Variants in DLG2 observed in about 807,000 individuals in gnomAD.
DLG2 encodes disks large homolog 2.
Under a neutral mutation model 132.5 loss-of-function variants are expected in DLG2, and 45 were observed. That is an observed-to-expected ratio of 0.34 (90% CI 0.27 to 0.44). DLG2 has a LOEUF of 0.44. DLG2 is among the 20% of genes least tolerant of loss of function. The probability of loss-of-function intolerance (pLI) is 1.00; values close to 1 mark genes in which losing one functional copy is unlikely to be tolerated. For synonymous variants in DLG2, 424 were observed against 419.6 expected (o/e 1.01, Z -0.13); for missense variants, 1,045 against 1,196.9 (o/e 0.87, Z 1.87).
chr11:83,642,724 A>T (rs1222212058), intron 18 of DLG2, among the ~76,000 whole-genome samples: 1 of 152,226 alleles, frequency 6.6e-6, no homozygotes, highest in Non-Finnish European at 1.5e-5. Flanking sequence ...TTTGGCTGAC[A>T]GGAGTAACTG....
At chr11:85,428,327 C>A (rs139276738) in intron 3 of DLG2, among the ~76,000 whole-genome samples, 269 of 152,294 alleles carry the variant, frequency 1.8e-3, no homozygotes, top group African/African-American at 6.2e-3. Context: ...AATATACATT[C>A]TTCTCAGCAC....
In DLG2 at chr11:85,146,018, C is replaced by T. The variant is rs114919167; in HGVS notation, c.282+8538G>A. Among the ~76,000 whole-genome samples, 352 of 152,134 alleles carry T rather than the reference C, an allele frequency of 2.3e-3. 1 individual carries two copies. Among genetic ancestry groups the T allele is most frequent in the African/African-American group, 8.2e-3 (341 of 41,502 alleles). On this transcript the variant is annotated intron_variant, in intron 5 of 27. Transcript: ENST00000376104. ...TTCAAATGGAATTGGGTGTGGTGAT[C>T]GAAGTCTCTGGTCACTGAAGCCATA...
At chr11:84,078,248 A>G (rs549632876) in intron 10 of DLG2, among the ~76,000 whole-genome samples, 3 of 152,314 alleles carry the variant, frequency 2.0e-5, no homozygotes, top group Non-Finnish European at 2.9e-5. Context: ...TCTTGTTCAT[A>G]TAAACAGGTA....
intron 3 of DLG2, among the ~76,000 whole-genome samples, chr11:85,443,920 A>C (rs1467233400): frequency 6.6e-6 from 1 of 152,236 alleles, no homozygotes; most frequent in African/African-American, 2.4e-5. Context: ...TGTTTGTGAA[A>C]TACAACACAA....
At chr11:83,929,665 C>A (rs1240393012) in intron 15 of DLG2, among the ~76,000 whole-genome samples, 2 of 152,132 alleles carry the variant, frequency 1.3e-5, no homozygotes, top group African/African-American at 2.4e-5. Context: ...ATACTGAGGG[C>A]AATACCTTTA....
intron 17 of DLG2, among the ~76,000 whole-genome samples, chr11:83,806,339 C>A (rs535766163): frequency 2.0e-5 from 3 of 152,272 alleles, no homozygotes; most frequent in East Asian, 1.9e-4. Flanking sequence ...TCTATCTTAA[C>A]CTTCAGGTAA....
At chr11:85,021,010 C>T (rs911478227) in intron 6 of DLG2, 2 of 774,508 alleles carry the variant, frequency 2.6e-6, no homozygotes, top group East Asian at 2.4e-5. Context: ...TTATTCATAT[C>T]TACTGCTTGT....
At chr11:83,880,555 C>G (rs1049701674) in intron 15 of DLG2, among the ~76,000 whole-genome samples, 13 of 152,098 alleles carry the variant, frequency 8.5e-5, no homozygotes, top group Non-Finnish European at 1.5e-4. Context: ...AAGAGTTGTG[C>G]TCTCTTCTGT....
intron 17 of DLG2, among the ~76,000 whole-genome samples, chr11:83,815,927 A>G (rs2048765317): frequency 6.6e-6 from 1 of 152,088 alleles, no homozygotes; most frequent in African/African-American, 2.4e-5. Context: ...AGATCTCTGG[A>G]ATTACTCATT....
intron 8 of DLG2, among the ~76,000 whole-genome samples, chr11:84,188,967 T>C (rs530345035): frequency 2.0e-4 from 30 of 152,316 alleles, no homozygotes; most frequent in Middle Eastern, 3.4e-3. Context: ...TAGTAAGCTA[T>C]GCAATGAAGC....
In DLG2 at chr11:83,456,209, T is replaced by G. The variant is rs897942933; in HGVS notation, c.*3609A>C. On this transcript the variant is annotated 3_prime_UTR_variant, in exon 28 of 28. Transcript: ENST00000376104. ...GCGGTAGTGCTGGGAGTGGGCTCGC[T>G]TAGGAGCAGTGTTCAGGCAGAGGCA... The G allele has an allele frequency of 9.8e-5, 15 of 152,490 alleles. No individual in the cohort carries two copies. The highest frequency in any genetic ancestry group is 3.6e-4 in the African/African-American group (15 of 41,176). 9.4% of individuals were successfully genotyped at this position (152,490 alleles called of 1,614,324 possible). A position where few individuals can be genotyped will look rare whatever the true frequency, so the allele number is the denominator to read the frequency against.
chr11:83,971,966 C>T (rs1387580128), intron 12 of DLG2, among the ~76,000 whole-genome samples: 1 of 151,938 alleles, frequency 6.6e-6, no homozygotes, highest in Non-Finnish European at 1.5e-5. Context: ...ATATGTATGT[C>T]ATAGAGCAAA....
At chr11:84,064,443 T>C (rs936436821) in intron 10 of DLG2, among the ~76,000 whole-genome samples, 2 of 152,158 alleles carry the variant, frequency 1.3e-5, no homozygotes, top group Non-Finnish European at 2.9e-5. Context: ...GCCAGATAGA[T>C]CTGGGATCTC....
chr11:83,483,983 G>A (rs1333726432), intron 22 of DLG2, 146 bp downstream of exon 22: 3 of 647,292 alleles, frequency 4.6e-6, no homozygotes, highest in South Asian at 3.5e-5. Context: ...GTAGTCAGAC[G>A]CTGGTCACAG....
At chr11:84,793,381 C>T (rs2074139734) in intron 6 of DLG2, among the ~76,000 whole-genome samples, 1 of 152,144 alleles carries the variant, frequency 6.6e-6, no homozygotes, top group South Asian at 2.1e-4. Context: ...TTTTTGGCCA[C>T]TGGATGAAAT....
At chr11:83,790,866 C>CTTGA (rs1388041493) in intron 17 of DLG2, 40 of 745,990 alleles carry the variant, frequency 5.4e-5, no homozygotes, top group Non-Finnish European at 8.6e-5. Context: ...ACAATAGCTA[C>CTTGA]TTGATCCTTC....
intron 3 of DLG2, among the ~76,000 whole-genome samples, chr11:85,572,648 C>A (rs558762779): frequency 8.3e-4 from 126 of 152,248 alleles, no homozygotes; most frequent in African/African-American, 1.6e-3. Context: ...CTGGGAAGCC[C>A]ACCCACAATT....
At chr11:84,347,743 A>G (rs1052708587) in intron 7 of DLG2, among the ~76,000 whole-genome samples, 1 of 152,198 alleles carries the variant, frequency 6.6e-6, no homozygotes, top group Non-Finnish European at 1.5e-5. Context: ...AATGGCCAAG[A>G]GGTTTACAGA....
chr11:85,449,270 C>T (rs1193790043), intron 3 of DLG2, among the ~76,000 whole-genome samples: 1 of 152,044 alleles, frequency 6.6e-6, no homozygotes, highest in Non-Finnish European at 1.5e-5. Context: ...CACATTAATT[C>T]TAGTCTCTTC....
Sources: allele counts gnomAD v4.1 joint callset (sites outside exome capture counted in the v4.1 genomes callset), GRCh38; gene constraint gnomAD v4.1.1; transcripts MANE v1.5; gene names NCBI Gene and HGNC (gene_info 2026-07-23, HGNC 2026-07-21).